SNX30: variants seen among roughly 807,000 people sequenced by gnomAD.
The protein encoded by SNX30 is sorting nexin family member 30, also known as sorting nexin-30.
SNX30 carries 24 observed loss-of-function variants against 46.4 expected under a neutral mutation model. The ratio of observed to expected loss-of-function variants is 0.52; its 90% CI spans 0.37 to 0.73. The LOEUF (loss-of-function observed/expected upper bound fraction) is 0.73. Among genes scored for constraint, SNX30 ranks in the 30% least tolerant of loss-of-function variants. The pLI is 0.00. For synonymous variants in SNX30, 189 were observed against 211.5 expected (o/e 0.89, Z 0.92); for missense variants, 533 against 555.7 (o/e 0.96, Z 0.41).
chr9:112,798,121 C>CTTTTT (rs57300324), intron 1 of SNX30, among the ~76,000 whole-genome samples: 64 of 77,884 alleles, frequency 8.2e-4, no homozygotes, highest in African/African-American at 1.0e-3. Flanking sequence ...TTTTTTTTTT[C>CTTTTT]TTTTTTTTTT....
chr9:112,763,998 C>T (rs1175572362), intron 1 of SNX30, among the ~76,000 whole-genome samples: 1 of 152,106 alleles, frequency 6.6e-6, no homozygotes, highest in African/African-American at 2.4e-5. Context: ...CATCACCCAC[C>T]CCTCTTCCAT....
In SNX30 at chr9:112,864,411, G is replaced by T; in HGVS notation, c.1254+12G>T. 1 of 1,614,006 alleles carries T rather than the reference G, an allele frequency of 6.2e-7. No homozygotes were observed. Among genetic ancestry groups the T allele is most frequent in the Non-Finnish European group, 8.5e-7 (1 of 1,179,988 alleles). On this transcript the variant is annotated intron_variant, in intron 8 of 8. Coordinates refer to ENST00000374232, the MANE Select transcript of SNX30 (RefSeq NM_001012994.2). ...AGTATTATGAGAAGGTAATGAGTGT[G>T]CCCAACAAGACTGGTTTCTAATGGC...
chr9:112,858,678 C>G (rs1395462934), intron 7 of SNX30, among the ~76,000 whole-genome samples: 1 of 152,138 alleles, frequency 6.6e-6, no homozygotes. Context: ...ACAAGCTGGT[C>G]ACAGACAGCT....
chr9:112,876,214 G>C (rs1289900954), downstream of SNX30, among the ~76,000 whole-genome samples: 1 of 152,200 alleles, frequency 6.6e-6, no homozygotes, highest in African/African-American at 2.4e-5. Context: ...GGTGAAAATA[G>C]CCGATTTAAG....
chr9:112,838,934 C>T (rs993853660), intron 6 of SNX30, among the ~76,000 whole-genome samples: 8 of 151,688 alleles, frequency 5.3e-5, no homozygotes, highest in African/African-American at 1.7e-4. Context: ...TCTGAGAGTT[C>T]AAGAAGATAT....
chr9:112,829,630 T>A (rs1840630931), intron 3 of SNX30, among the ~76,000 whole-genome samples: 2 of 152,350 alleles, frequency 1.3e-5, no homozygotes, highest in Admixed American at 6.5e-5. Flanking sequence ...ATTGGTGAGT[T>A]TTATGGTAAT....
downstream of SNX30, among the ~76,000 whole-genome samples, chr9:112,883,841 G>A (rs1371156585): frequency 6.6e-6 from 1 of 152,008 alleles, no homozygotes; most frequent in African/African-American, 2.4e-5. Context: ...GGGACTGCAG[G>A]CGCATGTTGC....
downstream of SNX30, chr9:112,875,048 TTC>T (rs1254811777): frequency 6.6e-6 from 1 of 152,270 alleles, no homozygotes; most frequent in Non-Finnish European, 1.5e-5. Context: ...GTGCCTATTT[TTC>T]TGTTTTCTTA....
chr9:112,757,134 T>C (rs1438098189), intron 1 of SNX30, among the ~76,000 whole-genome samples: 1 of 152,238 alleles, frequency 6.6e-6, no homozygotes, highest in African/African-American at 2.4e-5. Context: ...TCCGTTTACC[T>C]ACATCTTCCC....
chr9:112,840,468 A>G (rs902070252), intron 6 of SNX30, among the ~76,000 whole-genome samples: 1 of 152,148 alleles, frequency 6.6e-6, no homozygotes, highest in Admixed American at 6.5e-5. Context: ...TATCAAACTA[A>G]TGGTATCTGT....
chr9:112,848,372 A>G (rs994655658), intron 6 of SNX30, among the ~76,000 whole-genome samples: 24 of 152,070 alleles, frequency 1.6e-4, no homozygotes, highest in African/African-American at 5.8e-4. Context: ...ACAGCATGCA[A>G]AGGTGTCCCA....
intron 3 of SNX30, among the ~76,000 whole-genome samples, chr9:112,828,151 A>G (rs1007568391): frequency 1.3e-5 from 2 of 152,256 alleles, no homozygotes; most frequent in African/African-American, 4.8e-5. Context: ...GACAATGTTG[A>G]ATGACAAAAG....
intron 1 of SNX30, among the ~76,000 whole-genome samples, chr9:112,772,240 G>A (rs746711960): frequency 1.3e-5 from 2 of 152,178 alleles, no homozygotes; most frequent in Non-Finnish European, 2.9e-5. Context: ...CGACCAACTT[G>A]TCAACAAGTG....
At chr9:112,772,954 T>G (rs1839675391) in intron 1 of SNX30, among the ~76,000 whole-genome samples, 1 of 152,256 alleles carries the variant, frequency 6.6e-6, no homozygotes. Flanking sequence ...ATTTGTGGTG[T>G]TGCAGTAAAT....
chr9:112,838,428 G>GCT, intron 5 of SNX30, 70 bp from the exon 6 acceptor site: 1 of 1,329,328 alleles, frequency 7.5e-7, no homozygotes, highest in Non-Finnish European at 1.1e-6. Flanking sequence ...TGGCTGTGGT[G>GCT]ATTACTGAGT....
chr9:112,804,776 G>C lies in SNX30; in HGVS notation c.157G>C (p.Asp53His). 4 of 1,597,122 alleles carry C rather than the reference G, an allele frequency of 2.5e-6. No homozygotes were observed. Among genetic ancestry groups the C allele is most frequent in the Non-Finnish European group, 3.4e-6 (4 of 1,170,950 alleles). Residue 53 changes from aspartate to histidine, a missense_variant and splice_region_variant, in exon 2 of 9, where the codon GAT (aspartate) becomes CAT (histidine). By Grantham distance (81) the Asp-to-His change is moderately conservative. Coordinates refer to ENST00000374232, the MANE Select transcript of SNX30 (RefSeq NM_001012994.2). ...TTAAGGTGCTCTTTTCTTCTTTTAG[G>C]ATCTCATTTTGCCCAACGGTGGTAC... The part of the protein sequence containing the change: ...LLMARSFGDK[D>H]LILPNGGTPA...
intron 1 of SNX30, among the ~76,000 whole-genome samples, chr9:112,761,562 G>A (rs1839436844): frequency 6.6e-6 from 1 of 152,204 alleles, no homozygotes. Flanking sequence ...CCTGGTTTTG[G>A]TTGGACTTGT....
At chr9:112,817,400 G>GTTTTTTTTTTTT (rs1256963697) in intron 2 of SNX30, among the ~76,000 whole-genome samples, 1 of 34,390 alleles carries the variant, frequency 2.9e-5, no homozygotes, top group South Asian at 9.9e-4. Context: ...AAAAAAACTG[G>GTTTTTTTTTTTT]CTTTTTTTTT....
In SNX30 at chr9:112,859,225, G is replaced by T. The variant is rs146444230; in HGVS notation, c.1102-5022G>T. Among the ~76,000 whole-genome samples, 387 of 152,084 alleles carry T rather than the reference G, an allele frequency of 2.5e-3. 2 individuals are homozygous for T. The highest frequency in any genetic ancestry group is 8.7e-3 in the African/African-American group (362 of 41,462). ...TTATTTCACTCAGTGTAATGTCCTT[G>T]GTTTATCCATGTTGTAATGTGTTAG... On this transcript the variant is annotated intron_variant, in intron 7 of 8. Transcript: ENST00000374232.
Sources: allele counts gnomAD v4.1 joint callset (sites outside exome capture counted in the v4.1 genomes callset), GRCh38; gene constraint gnomAD v4.1.1; transcripts MANE v1.5; gene names NCBI Gene and HGNC (gene_info 2026-07-23, HGNC 2026-07-21).